BACE2: variants seen among roughly 807,000 people sequenced by gnomAD.
BACE2 encodes 56 kDa aspartic-like protease.
In BACE2, 17 loss-of-function variants were observed where a neutral mutation model predicts 46.2. The observed-to-expected ratio is 0.37, with a 90% CI of 0.25 to 0.55. BACE2 has a LOEUF of 0.55. BACE2 is among the 20% of genes least tolerant of loss of function. The probability of loss-of-function intolerance (pLI) is 0.82; values close to 1 mark genes in which losing one functional copy is unlikely to be tolerated. For missense variants in BACE2, 595 were observed against 698.1 expected (o/e 0.85, Z 1.66); for synonymous variants, 277 against 295.9 (o/e 0.94, Z 0.66).
At chr21:41,248,929 T>A (rs896291556) in intron 6 of BACE2, among the ~76,000 whole-genome samples, 14 of 152,238 alleles carry the variant, frequency 9.2e-5, no homozygotes, top group Admixed American at 2.6e-4. Context: ...CCTTGGACTC[T>A]CCCTGTCCCT....
chr21:41,206,568 A>G (rs987321304), intron 1 of BACE2, among the ~76,000 whole-genome samples: 1 of 152,238 alleles, frequency 6.6e-6, no homozygotes, highest in East Asian at 1.9e-4. Flanking sequence ...GATTCCATTT[A>G]TGTGAGGTTC....
At position 41,214,337 on chromosome 21, in the gene BACE2, C is replaced by T. The variant is rs115517354; in HGVS notation, c.313-11929C>T. ...AAGGGCTTGTGACACAGGAGGAAGACGTCCACGTTCAGGACATGTCTAGTT... is the reference window on the plus strand; with the variant it reads ...AAGGGCTTGTGACACAGGAGGAAGATGTCCACGTTCAGGACATGTCTAGTT... On this transcript the variant is annotated intron_variant, in intron 1 of 8. Transcript: ENST00000330333. Among the ~76,000 whole-genome samples, 738 of 152,284 alleles carry T rather than the reference C, an allele frequency of 4.8e-3. 8 individuals carry two copies. The highest frequency in any genetic ancestry group is 0.016 in the African/African-American group (666 of 41,566).
chr21:41,226,501 CAT>C, intron 2 of BACE2, 147 bp downstream of exon 2: 1 of 644,722 alleles, frequency 1.6e-6, no homozygotes, highest in Non-Finnish European at 2.7e-6. Context: ...CACATGTGGA[CAT>C]GTGTATGCAT....
At position 41,277,517 on chromosome 21, in the gene BACE2, T is replaced by C. The variant is rs2088503556; in HGVS notation, c.*1893T>C. The C allele has an allele frequency of 1.3e-5, 2 of 152,242 alleles. No individual in the cohort carries two copies. Among genetic ancestry groups the C allele is most frequent in the African/African-American group, 4.8e-5 (2 of 41,468 alleles). 9.4% of individuals were successfully genotyped at this position (152,242 alleles called of 1,614,324 possible). A position where few individuals can be genotyped will look rare whatever the true frequency, so the allele number is the denominator to read the frequency against. ...AGTCCAATTCTCATCCCATTGGCTT[T>C]TTCCGTGGTTGCTGTTTTGTGGGCC... is the stretch of plus-strand genomic sequence containing the variant. On this transcript the variant is annotated 3_prime_UTR_variant, in exon 9 of 9. Transcript: ENST00000330333.
chr21:41,198,110 G>GC (rs1223757082), intron 1 of BACE2, among the ~76,000 whole-genome samples: 2 of 152,000 alleles, frequency 1.3e-5, no homozygotes, highest in Non-Finnish European at 2.9e-5. Context: ...TCGTGCCTCA[G>GC]CCCCCCAAGT....
At chr21:41,221,700 A>C (rs562993892) in intron 1 of BACE2, among the ~76,000 whole-genome samples, 50 of 151,986 alleles carry the variant, frequency 3.3e-4, no homozygotes, top group African/African-American at 1.1e-3. Context: ...TGGTGGCGGG[A>C]GCCTGTAGTC....
intron 1 of BACE2, among the ~76,000 whole-genome samples, chr21:41,171,813 A>G (rs1984620257): frequency 6.6e-6 from 1 of 152,220 alleles, no homozygotes; most frequent in Non-Finnish European, 1.5e-5. Flanking sequence ...ATCTCCACTA[A>G]CATAGGTAAA....
rs767592254 is a variant in BACE2, at chr21:41,201,291, G to A, written c.313-24975G>A. On this transcript the variant is annotated intron_variant, in intron 1 of 8. Transcript: ENST00000330333. ...CGCAGCTCTGATCGTAGTAGAGGTG[G>A]TTTAAAGAGAAATGCATTAAGTAGA... is the stretch of plus-strand genomic sequence containing the variant. 3.3e-5 allele frequency among the ~76,000 whole-genome samples: 5 copies of A among 152,246 alleles called. No individual in the cohort carries two copies. The East Asian group carries it at 9.6e-4, about 29-fold the overall frequency.
chr21:41,190,667 G>T (rs1250609099), intron 1 of BACE2, among the ~76,000 whole-genome samples: 3 of 152,046 alleles, frequency 2.0e-5, no homozygotes, highest in Non-Finnish European at 4.4e-5. Context: ...TTCCTGAAGG[G>T]TCTGGGCCAT....
chr21:41,169,504 C>G lies in BACE2; in HGVS notation c.312+929C>G, dbSNP rs182925912. Among the ~76,000 whole-genome samples the G allele has an allele frequency of 3.0e-3, 452 of 149,328 alleles. 11 individuals are homozygous for G. The highest frequency in any genetic ancestry group is 9.2e-4 in the Non-Finnish European group (62 of 67,648). On this transcript the variant is annotated intron_variant, in intron 1 of 8. Coordinates refer to ENST00000330333, the MANE Select transcript of BACE2 (RefSeq NM_012105.5). ...CTGCCCCCTCCTACTTTCAAACTGT[C>G]TAATCCAAGTGGGATTTGAAGTCCT...
At chr21:41,169,830 T>G (rs1490283603) in intron 1 of BACE2, among the ~76,000 whole-genome samples, 1 of 152,160 alleles carries the variant, frequency 6.6e-6, no homozygotes, top group Non-Finnish European at 1.5e-5. Flanking sequence ...GGAAGCCACG[T>G]GAGTGATCTT....
chr21:41,214,613 T>G (rs1218408792), intron 1 of BACE2, among the ~76,000 whole-genome samples: 3 of 152,246 alleles, frequency 2.0e-5, no homozygotes, highest in Non-Finnish European at 4.4e-5. Context: ...GCTTTAGAAA[T>G]GAACAAGCCA....
At chr21:41,207,443 G>A (rs112944424) in intron 1 of BACE2, among the ~76,000 whole-genome samples, 2,173 of 152,268 alleles carry the variant, frequency 0.014, 24 homozygotes, top group Non-Finnish European at 0.022. Context: ...CAGTGAATGC[G>A]CTCACACATG....
intron 1 of BACE2, among the ~76,000 whole-genome samples, chr21:41,209,089 T>C (rs1442803719): frequency 6.6e-6 from 1 of 152,200 alleles, no homozygotes; most frequent in Admixed American, 6.5e-5. Context: ...TTGCAGCCCA[T>C]GTGCACCCTG....
intron 6 of BACE2, among the ~76,000 whole-genome samples, chr21:41,249,945 C>A (rs1987592848): frequency 6.6e-6 from 1 of 152,150 alleles, no homozygotes. Context: ...TCCTGTGTTG[C>A]CGGCCACCTT....
intron 7 of BACE2, among the ~76,000 whole-genome samples, chr21:41,254,538 G>A (rs1987725997): frequency 6.6e-6 from 1 of 152,110 alleles, no homozygotes; most frequent in African/African-American, 2.4e-5. Flanking sequence ...TTGCACTCTT[G>A]CTTTTCTCCA....
intron 8 of BACE2, among the ~76,000 whole-genome samples, chr21:41,264,084 T>A (rs1478601806): frequency 1.3e-5 from 2 of 152,224 alleles, no homozygotes; most frequent in Admixed American, 1.3e-4. Context: ...ATACATTTTA[T>A]ATTGGCCTAA....
intron 1 of BACE2, among the ~76,000 whole-genome samples, chr21:41,199,346 G>A (rs1206520131): frequency 6.6e-6 from 1 of 152,016 alleles, no homozygotes; most frequent in Non-Finnish European, 1.5e-5. Flanking sequence ...GGGAGCCCCA[G>A]GGAGGAGGGG....
intron 1 of BACE2, among the ~76,000 whole-genome samples, chr21:41,210,819 C>T (rs148791724): frequency 6.6e-6 from 1 of 152,328 alleles, no homozygotes; most frequent in Non-Finnish European, 1.5e-5. Context: ...ACACAGGAGG[C>T]ATGTCACATG....
Sources: gnomAD v4.1 joint callset for allele counts (sites outside exome capture counted in the v4.1 genomes callset) on GRCh38, gnomAD v4.1.1 for gene constraint, MANE v1.5 for transcripts, NCBI Gene and HGNC (gene_info 2026-07-23, HGNC 2026-07-21) for gene names.